GTF2F2: variants seen among roughly 807,000 people sequenced by gnomAD.
GTF2F2 encodes ATP-dependent helicase GTF2F2.
In GTF2F2, 23 loss-of-function variants were observed where a neutral mutation model predicts 42.2. The observed-to-expected ratio is 0.55, with a 90% CI of 0.39 to 0.77. The LOEUF (loss-of-function observed/expected upper bound fraction) is 0.77. GTF2F2 is among the 30% of genes least tolerant of loss of function. GTF2F2 has a pLI of 0.00. For synonymous variants in GTF2F2, 105 were observed against 100.8 expected, an observed-to-expected ratio of 1.04 and a Z score of -0.25; for missense variants, 261 against 287.2, an observed-to-expected ratio of 0.91 and a Z score of 0.66.
intron 4 of GTF2F2, among the ~76,000 whole-genome samples, chr13:45,198,875 G>A (rs2138179817): frequency 6.6e-6 from 1 of 152,054 alleles, no homozygotes; most frequent in South Asian, 2.1e-4. Flanking sequence ...CTTCTTTTGT[G>A]TGTTAAAAAT....
intron 5 of GTF2F2, among the ~76,000 whole-genome samples, chr13:45,208,123 C>CAA (rs796845824): frequency 2.8e-4 from 30 of 108,466 alleles, no homozygotes; most frequent in South Asian, 2.6e-3. Context: ...GACCTTGTCT[C>CAA]AAAAAAAAAA....
rs751694080 is a variant in GTF2F2 at position 45,195,002 on chromosome 13, GA to G, written c.305-12418del. On this transcript the variant is annotated intron_variant, in intron 4 of 7. Transcript: ENST00000340473. ...TGTTGAATAATATTGTCATCTTTTG[GA>G]AAATAATGTATATTGATTTAGTGTC... Among the ~76,000 whole-genome samples the G allele has an allele frequency of 3.3e-5, 5 of 152,190 alleles. No individual in the cohort carries two copies. The East Asian group carries it at 9.7e-4, about 29-fold the overall frequency.
At chr13:45,228,388 CTT>C (rs1167542198) in intron 5 of GTF2F2, among the ~76,000 whole-genome samples, 1 of 147,172 alleles carries the variant, frequency 6.8e-6, no homozygotes, top group African/African-American at 2.6e-5. Flanking sequence ...TCCAGAAGCT[CTT>C]TCATTTAGGT....
chr13:45,129,185 T>C (rs941884762), intron 1 of GTF2F2, among the ~76,000 whole-genome samples: 1 of 152,134 alleles, frequency 6.6e-6, no homozygotes, highest in African/African-American at 2.4e-5. Flanking sequence ...TTAGAAAATG[T>C]CCTACTCTAC....
At chr13:45,122,746 C>T (rs901152345) in intron 1 of GTF2F2, among the ~76,000 whole-genome samples, 4 of 152,170 alleles carry the variant, frequency 2.6e-5, no homozygotes, top group Admixed American at 6.5e-5. Flanking sequence ...AGTTTTTTCT[C>T]CTTACATTAA....
chr13:45,172,313 A>G (rs148821666), intron 4 of GTF2F2, among the ~76,000 whole-genome samples: 7 of 152,306 alleles, frequency 4.6e-5, no homozygotes, highest in African/African-American at 1.7e-4. Context: ...ATATCTTTTC[A>G]TGTGCTTGTT....
chr13:45,195,018 G>A (rs1388683849), intron 4 of GTF2F2, among the ~76,000 whole-genome samples: 3 of 152,114 alleles, frequency 2.0e-5, no homozygotes, highest in Non-Finnish European at 4.4e-5. Context: ...AATGTATATT[G>A]ATTTAGTGTC....
intron 4 of GTF2F2, among the ~76,000 whole-genome samples, chr13:45,181,162 G>A (rs1267396450): frequency 2.2e-5 from 3 of 136,114 alleles, no homozygotes; most frequent in Admixed American, 7.7e-5. Flanking sequence ...GTGAGACCCT[G>A]TCTCAAAAGA....
chr13:45,228,748 G>A (rs1408878281), intron 5 of GTF2F2, among the ~76,000 whole-genome samples: 3 of 141,518 alleles, frequency 2.1e-5, no homozygotes, highest in East Asian at 2.0e-4. Context: ...TCGTCTCACC[G>A]CAACCTCCGC....
At chr13:45,271,705 C>A (rs1466551377) in intron 7 of GTF2F2, among the ~76,000 whole-genome samples, 1 of 152,118 alleles carries the variant, frequency 6.6e-6, no homozygotes, top group Non-Finnish European at 1.5e-5. Context: ...GCAGGCACCA[C>A]CATGCCTGGC....
At chr13:45,224,117 C>T (rs995188847) in intron 5 of GTF2F2, among the ~76,000 whole-genome samples, 3 of 152,134 alleles carry the variant, frequency 2.0e-5, no homozygotes, top group African/African-American at 7.2e-5. Flanking sequence ...GATTATATGG[C>T]AAATGCCTTC....
At chr13:45,231,983 C>T (rs1874707983) in intron 5 of GTF2F2, among the ~76,000 whole-genome samples, 1 of 152,144 alleles carries the variant, frequency 6.6e-6, no homozygotes, top group South Asian at 2.1e-4. Flanking sequence ...CTGATTTCTA[C>T]TCAGAGGCAA....
rs564317195 is a variant in GTF2F2, at chr13:45,254,965, A to G, written c.486+1995A>G. ...GTGGATCACCTGAGGTCAGGAGTTC[A>G]AGACCAGCCTGGCCAACATGGTGAA... On this transcript the variant is annotated intron_variant, in intron 6 of 7. Coordinates refer to ENST00000340473, the MANE Select transcript of GTF2F2 (RefSeq NM_004128.3). Among the ~76,000 whole-genome samples the G allele has an allele frequency of 2.6e-5, 4 of 152,110 alleles. No individual in the cohort carries two copies. In the South Asian group the frequency reaches 8.3e-4, roughly 32 times the overall value.
intron 4 of GTF2F2, among the ~76,000 whole-genome samples, chr13:45,195,271 T>C (rs1305674742): frequency 6.6e-6 from 1 of 152,092 alleles, no homozygotes; most frequent in South Asian, 2.1e-4. Flanking sequence ...TTTTTTATTA[T>C]TTTATTTACC....
chr13:45,284,581 G>A lies in GTF2F2; in HGVS notation c.*1020G>A, dbSNP rs903235927. ...GAAGCTTAAGTGAACTAAGCACAGGGAAAAGTTGTTTTTTCACTCGTTCAT... is the reference window on the plus strand; with the variant it reads ...GAAGCTTAAGTGAACTAAGCACAGGAAAAAGTTGTTTTTTCACTCGTTCAT... On this transcript the variant is annotated 3_prime_UTR_variant, in exon 8 of 8. Coordinates refer to ENST00000340473, the MANE Select transcript of GTF2F2 (RefSeq NM_004128.3). 4.3e-4 allele frequency: 66 copies of A among 152,098 alleles called. No individual in the cohort carries two copies. Among genetic ancestry groups the A allele is most frequent in the Admixed American group, 4.2e-3 (64 of 15,262 alleles). 9.4% of individuals were successfully genotyped at this position (152,098 alleles called of 1,614,324 possible).
intron 5 of GTF2F2, among the ~76,000 whole-genome samples, chr13:45,219,943 A>G (rs1874041165): frequency 6.6e-6 from 1 of 152,226 alleles, no homozygotes; most frequent in Non-Finnish European, 1.5e-5. Flanking sequence ...ACGGGAAAGG[A>G]TGACATATAT....
intron 4 of GTF2F2, chr13:45,194,358 C>T (rs371658910): frequency 1.3e-5 from 21 of 1,613,998 alleles, no homozygotes; most frequent in Non-Finnish European, 1.6e-5. Context: ...CAGCATCAAA[C>T]GGGCAGAGGA....
At chr13:45,172,459 T>A (rs371923008) in intron 4 of GTF2F2, among the ~76,000 whole-genome samples, 1 of 152,226 alleles carries the variant, frequency 6.6e-6, no homozygotes, top group Non-Finnish European at 1.5e-5. Flanking sequence ...TTCAGAGATA[T>A]GATTTGCAAA....
At chr13:45,228,747 C>T (rs1007223554) in intron 5 of GTF2F2, among the ~76,000 whole-genome samples, 19 of 147,206 alleles carry the variant, frequency 1.3e-4, no homozygotes, top group Middle Eastern at 3.6e-3. Flanking sequence ...CTCGTCTCAC[C>T]GCAACCTCCG....
Sources: gnomAD v4.1 joint callset for allele counts (sites outside exome capture counted in the v4.1 genomes callset) on GRCh38, gnomAD v4.1.1 for gene constraint, MANE v1.5 for transcripts, NCBI Gene and HGNC (gene_info 2026-07-23, HGNC 2026-07-21) for gene names.